Variants in ANK3 observed in about 807,000 individuals in gnomAD.
ANK3 encodes ankyrin 3.
In ANK3, 57 loss-of-function variants were observed where a neutral mutation model predicts 370.9. The ratio of observed to expected loss-of-function variants is 0.15; its 90% confidence interval spans 0.12 to 0.19. The LOEUF (loss-of-function observed/expected upper bound fraction) is 0.19, where lower values mean the gene tolerates loss of function less well. Among genes scored for constraint, ANK3 ranks in the 10% least tolerant of loss-of-function variants. The pLI is 1.00. For synonymous variants in ANK3, 1,929 were observed against 1,946.3 expected, an observed-to-expected ratio of 0.99 and a Z score of 0.23; for missense variants, 4,439 against 5,302.1, an observed-to-expected ratio of 0.84 and a Z score of 5.06.
chr10:60,279,493 T>C (rs985640334), intron 2 of ANK3, 45 bp downstream of exon 2: 15 of 1,482,612 alleles, frequency 1.0e-5, no homozygotes, highest in African/African-American at 2.8e-5. Context: ...GAAGTCTGGA[T>C]TTTTAGAATT....
At chr10:60,546,202 A>AT (rs748102814) in intron 2 of ANK3, among the ~76,000 whole-genome samples, 16 of 151,868 alleles carry the variant, frequency 1.1e-4, no homozygotes, top group Non-Finnish European at 2.4e-4. Context: ...TGCCTGGCTA[A>AT]TTTTTTCATT....
chr10:60,133,079 A>G (rs1372471702), intron 25 of ANK3, among the ~76,000 whole-genome samples: 2 of 152,226 alleles, frequency 1.3e-5, no homozygotes, highest in Admixed American at 1.3e-4. Context: ...AGGTCTAGAC[A>G]TCAGCATCTG....
chr10:60,216,100 C>T (rs1163443940), intron 8 of ANK3, among the ~76,000 whole-genome samples: 1 of 152,008 alleles, frequency 6.6e-6, no homozygotes, highest in Non-Finnish European at 1.5e-5. Flanking sequence ...ATTTTATTCT[C>T]TTTGTAGTGA....
intron 1 of ANK3, among the ~76,000 whole-genome samples, chr10:60,359,314 T>C (rs565263297): frequency 6.3e-4 from 96 of 152,296 alleles, no homozygotes; most frequent in African/African-American, 2.2e-3. Context: ...GTGGCCTCAA[T>C]AGCACTCCTC....
rs868388529 is a variant in ANK3, at chr10:60,660,829, T to G, written c.58-45605A>C. ...TTGTATGAGCTCAACAGTGTGACTC[T>G]GTAACAGTCATCTCAGGAATCAAGA... On this transcript the variant is annotated intron_variant, in intron 1 of 43. Transcript: ENST00000373827. Among the ~76,000 whole-genome samples the G allele has an allele frequency of 8.5e-5, 13 of 152,100 alleles. No homozygotes were observed. In the Middle Eastern group the frequency reaches 0.024, roughly 280 times the overall value.
At chr10:60,080,749 T>C in intron 35 of ANK3, 131 bp from the exon 36 acceptor site, 6 of 832,248 alleles carry the variant, frequency 7.2e-6, no homozygotes, top group South Asian at 5.2e-5. Flanking sequence ...AATTTCCCAC[T>C]GGGATTTTGT....
At chr10:60,728,147 C>T (rs565915513) in intron 1 of ANK3, among the ~76,000 whole-genome samples, 2 of 152,140 alleles carry the variant, frequency 1.3e-5, no homozygotes, top group Non-Finnish European at 2.9e-5. Flanking sequence ...CAGCCTACCA[C>T]TGATAATATC....
intron 1 of ANK3, among the ~76,000 whole-genome samples, chr10:60,305,132 C>T (rs2044719422): frequency 6.6e-6 from 1 of 152,192 alleles, no homozygotes; most frequent in African/African-American, 2.4e-5. Context: ...CCCGGCTTCA[C>T]CCAATTCAGA....
chr10:60,108,432 T>C (rs2092407888), intron 27 of ANK3: 2 of 269,174 alleles, frequency 7.4e-6, no homozygotes, highest in South Asian at 3.6e-5. Flanking sequence ...TAAAATACCA[T>C]ATCACAATGA....
intron 4 of ANK3, among the ~76,000 whole-genome samples, chr10:60,272,774 AC>A (rs35922628): frequency 0.21 from 31,527 of 147,900 alleles, 3,779 homozygotes; most frequent in South Asian, 0.3. Context: ...CACCACACCC[AC>A]CTTTTTTTTT....
At chr10:60,362,991 C>A (rs1422790766) in intron 1 of ANK3, among the ~76,000 whole-genome samples, 1 of 151,618 alleles carries the variant, frequency 6.6e-6, no homozygotes, top group Non-Finnish European at 1.5e-5. Context: ...ATTGGATATT[C>A]CCAAGCCGTT....
At chr10:60,106,252 C>T (rs922229036) in intron 27 of ANK3, among the ~76,000 whole-genome samples, 193 bp from the exon 28 acceptor site, 2 of 152,068 alleles carry the variant, frequency 1.3e-5, no homozygotes, top group Non-Finnish European at 2.9e-5. Context: ...ATCATTCATT[C>T]ATTCACAAAC....
chr10:60,422,927 G>T (rs2063807874), intron 2 of ANK3, among the ~76,000 whole-genome samples: 1 of 152,002 alleles, frequency 6.6e-6, no homozygotes, highest in Non-Finnish European at 1.5e-5. Context: ...CGGAATACAT[G>T]CTTTCCACGG....
chr10:60,196,359 T>C, intron 15 of ANK3, 116 bp from the exon 16 acceptor site: 1 of 1,026,032 alleles, frequency 9.7e-7, no homozygotes, highest in East Asian at 2.6e-5. Flanking sequence ...CATTCCGGTT[T>C]CCACAGTACT....
intron 1 of ANK3, among the ~76,000 whole-genome samples, chr10:60,335,105 G>A (rs1053941340): frequency 2.0e-5 from 3 of 152,082 alleles, no homozygotes; most frequent in Non-Finnish European, 4.4e-5. Flanking sequence ...GCATGCGTGT[G>A]TATGTCTGGG....
chr10:60,234,769 T>C lies in ANK3; in HGVS notation c.816A>G (p.Leu272=). The C allele has an allele frequency of 6.2e-7, 1 of 1,610,478 alleles. No individual in the cohort carries two copies. Among genetic ancestry groups the C allele is most frequent in the Non-Finnish European group, 8.5e-7 (1 of 1,176,884 alleles). The stretch of plus-strand genomic sequence containing the variant: ...CATTTCCTCTTTTTGATGCAACATG[T>C]AAAGGAGTGATGTCATTCTGGGAAG... ...DFTARNDITP[L]HVASKRGNAN... Residue 272 remains leucine, a synonymous_variant, in exon 8 of 44, where the codon TTA becomes TTG. Transcript: ENST00000280772.
chr10:60,578,495 T>C (rs1223923278), intron 2 of ANK3, among the ~76,000 whole-genome samples: 1 of 152,208 alleles, frequency 6.6e-6, no homozygotes, highest in African/African-American at 2.4e-5. Context: ...TCCTAAATGA[T>C]TTTAAAAGAA....
intron 1 of ANK3, among the ~76,000 whole-genome samples, chr10:60,671,263 C>T (rs1321730415): frequency 6.6e-6 from 1 of 152,210 alleles, no homozygotes; most frequent in Non-Finnish European, 1.5e-5. Flanking sequence ...CTCTTTTCTA[C>T]TACATTTCAG....
intron 1 of ANK3, among the ~76,000 whole-genome samples, chr10:60,387,955 C>T (rs374149880): frequency 2.0e-5 from 3 of 152,094 alleles, no homozygotes; most frequent in African/African-American, 4.8e-5. Flanking sequence ...ATATATGTAC[C>T]TTTTCCATCT....
Sources: allele counts gnomAD v4.1 joint callset (sites outside exome capture counted in the v4.1 genomes callset), GRCh38; gene constraint gnomAD v4.1.1; transcripts MANE v1.5; gene names NCBI Gene and HGNC (gene_info 2026-07-23, HGNC 2026-07-21).